The following FAM3C variants were observed in gnomAD, a reference collection of about 807,000 sequenced individuals.
FAM3C encodes protein FAM3C.
A neutral mutation model predicts 32.5 loss-of-function variants in FAM3C; 15 were observed. The observed-to-expected ratio is 0.46, with a 90% confidence interval of 0.31 to 0.71. The LOEUF is 0.71. Among genes scored for constraint, FAM3C ranks in the 30% least tolerant of loss-of-function variants. The pLI, the probability that FAM3C is intolerant of heterozygous loss-of-function variation, is 0.05. For missense variants in FAM3C, 175 were observed against 274.4 expected (o/e 0.64, Z 2.56); for synonymous variants, 75 against 86.1 (o/e 0.87, Z 0.72).
At position 121,378,742 on chromosome 7, in the gene FAM3C, T is replaced by C. The variant is rs552994541; in HGVS notation, c.118+168A>G. On this transcript the variant is annotated intron_variant, in intron 3 of 9. Coordinates refer to ENST00000359943, the MANE Select transcript of FAM3C (RefSeq NM_014888.3). ...AGATTCATGTTTTATACTAAATTAA[T>C]TCCAAAATATCTAATTATATACTGT... Among the ~76,000 whole-genome samples, 179 of 152,194 alleles carry C rather than the reference T, an allele frequency of 1.2e-3. 2 individuals carry two copies. The highest frequency in any genetic ancestry group is 1.9e-3 in the Non-Finnish European group (132 of 68,032).
chr7:121,368,127 A>G (rs1794060815), intron 5 of FAM3C, among the ~76,000 whole-genome samples: 1 of 152,180 alleles, frequency 6.6e-6, no homozygotes, highest in African/African-American at 2.4e-5. Context: ...ACTACTTATG[A>G]CCACCATCCT....
chr7:121,365,656 C>T (rs1209462689), intron 5 of FAM3C, among the ~76,000 whole-genome samples: 1 of 151,932 alleles, frequency 6.6e-6, no homozygotes, highest in Admixed American at 6.6e-5. Flanking sequence ...GACTTAAACC[C>T]TCATATATTA....
intron 8 of FAM3C, among the ~76,000 whole-genome samples, chr7:121,356,886 C>G (rs1034506027): frequency 6.6e-6 from 1 of 152,100 alleles, no homozygotes; most frequent in African/African-American, 2.4e-5. Context: ...ACTGTACTCC[C>G]TGAAGTGTTA....
chr7:121,384,143 T>G (rs1439270798), intron 1 of FAM3C, among the ~76,000 whole-genome samples: 1 of 152,160 alleles, frequency 6.6e-6, no homozygotes, highest in East Asian at 1.9e-4. Flanking sequence ...GCTCTTAGGC[T>G]AGCTCTCTTT....
chr7:121,351,022 C>A (rs1376591981), intron 9 of FAM3C, 121 bp downstream of exon 9: 19 of 918,454 alleles, frequency 2.1e-5, no homozygotes, highest in Non-Finnish European at 3.1e-5. Context: ...GAATTTATGA[C>A]AAATATATGA....
intron 8 of FAM3C, among the ~76,000 whole-genome samples, chr7:121,354,226 T>A (rs1428687581): frequency 6.6e-6 from 1 of 152,136 alleles, no homozygotes; most frequent in African/African-American, 2.4e-5. Flanking sequence ...AGCATAAAGG[T>A]TGGAGATACA....
At chr7:121,383,357 G>A (rs1794399462) in intron 1 of FAM3C, among the ~76,000 whole-genome samples, 1 of 152,110 alleles carries the variant, frequency 6.6e-6, no homozygotes, top group African/African-American at 2.4e-5. Context: ...TGCAGATGAT[G>A]TCCAAAGAGG....
intron 1 of FAM3C, among the ~76,000 whole-genome samples, chr7:121,386,238 A>C (rs1794462267): frequency 6.6e-6 from 1 of 152,178 alleles, no homozygotes; most frequent in African/African-American, 2.4e-5. Context: ...GCACTTAATT[A>C]AACCACAGGA....
At chr7:121,383,467 G>T (rs1273604036) in intron 1 of FAM3C, among the ~76,000 whole-genome samples, 1 of 152,098 alleles carries the variant, frequency 6.6e-6, no homozygotes, top group African/African-American at 2.4e-5. Context: ...CTTCATTTTT[G>T]ATATGACATA....
At chr7:121,377,069 T>C (rs1055635065) in intron 3 of FAM3C, among the ~76,000 whole-genome samples, 1 of 152,160 alleles carries the variant, frequency 6.6e-6, no homozygotes, top group Non-Finnish European at 1.5e-5. Context: ...AGGGACCTAG[T>C]GGGAAGTAAT....
Position 121,378,986 on chromosome 7 carries a change from T to C in FAM3C, c.42A>G (p.Ala14=). ...AGAAKLVVAV[A]VFLLTFYVIS... is the part of the protein sequence containing the mutation. ...TAACATAAAATGTCAGTAAAAACACTGCCACAGCTACCACCAACTTTGCAG... is the reference window on the plus strand; with the variant it reads ...TAACATAAAATGTCAGTAAAAACACCGCCACAGCTACCACCAACTTTGCAG... The change falls in exon 3 of 10, where the codon GCA becomes GCG. Residue 14 remains alanine, a synonymous_variant. Transcript: ENST00000359943. 6.3e-7 allele frequency: 1 copy of C among 1,576,060 alleles called. No individual in the cohort carries two copies. Among genetic ancestry groups the C allele is most frequent in the Non-Finnish European group, 8.6e-7 (1 of 1,164,534 alleles).
chr7:121,386,646 T>G (rs36113478), intron 1 of FAM3C, among the ~76,000 whole-genome samples: 1 of 151,212 alleles, frequency 6.6e-6, no homozygotes, highest in African/African-American at 2.4e-5. Flanking sequence ...GGAATATATG[T>G]CTATATATCT....
At chr7:121,384,762 C>A (rs1397828803) in intron 1 of FAM3C, among the ~76,000 whole-genome samples, 1 of 152,140 alleles carries the variant, frequency 6.6e-6, no homozygotes, top group Non-Finnish European at 1.5e-5. Flanking sequence ...AGTAAAATTT[C>A]TAAATTAAAA....
At chr7:121,361,099 C>G (rs566573957) in intron 7 of FAM3C, among the ~76,000 whole-genome samples, 1 of 152,174 alleles carries the variant, frequency 6.6e-6, no homozygotes, top group Non-Finnish European at 1.5e-5. Flanking sequence ...CTCATTTGAT[C>G]TACCAAATCA....
intron 1 of FAM3C, among the ~76,000 whole-genome samples, chr7:121,385,268 C>A (rs759403039): frequency 6.6e-5 from 10 of 152,150 alleles, no homozygotes; most frequent in East Asian, 1.9e-4. Context: ...GGAAAAAAAA[C>A]CCCAAAACTC....
Position 121,360,044 on chromosome 7 carries a change from T to C in FAM3C, c.466A>G (p.Lys156Glu), listed in dbSNP as rs764250805. The change falls in exon 8 of 10, where the codon AAA becomes GAA. Residue 156 changes from lysine (K) to glutamate (E), a missense_variant and splice_region_variant. By Grantham distance (56) the Lys-to-Glu change is moderately conservative. Coordinates refer to ENST00000359943, the MANE Select transcript of FAM3C (RefSeq NM_014888.3). Reference sequence around the variant, plus strand: ...AAAAGTTCTGTAAAGTTTACATACTTGGTTGCTCCATCATCGTATGTTCCC... The same window carrying C: ...AAAAGTTCTGTAAAGTTTACATACTCGGTTGCTCCATCATCGTATGTTCCC... ...LMGTYDDGAT[K>E]LNDEARRLIA... The C allele has an allele frequency of 1.3e-5, 18 of 1,424,208 alleles. No individual in the cohort carries two copies. The highest frequency in any genetic ancestry group is 8.9e-6 in the Non-Finnish European group (9 of 1,015,344). 88.2% of individuals were successfully genotyped at this position (1,424,208 alleles called of 1,614,324 possible).
chr7:121,354,032 A>T (rs1268836117), intron 8 of FAM3C, among the ~76,000 whole-genome samples: 1 of 152,298 alleles, frequency 6.6e-6, no homozygotes, highest in South Asian at 2.1e-4. Flanking sequence ...TGATCTGCCT[A>T]TGTAGAATTT....
At chr7:121,355,489 T>C (rs532411913) in intron 8 of FAM3C, among the ~76,000 whole-genome samples, 1 of 151,860 alleles carries the variant, frequency 6.6e-6, no homozygotes, top group South Asian at 2.1e-4. Flanking sequence ...TAAAAAGCAA[T>C]AAGGAAAGAA....
At chr7:121,370,005 C>T (rs993826814) in intron 5 of FAM3C, among the ~76,000 whole-genome samples, 1 of 152,122 alleles carries the variant, frequency 6.6e-6, no homozygotes, top group Non-Finnish European at 1.5e-5. Flanking sequence ...AATAGATGTC[C>T]AAAATCATCC....
Sources: gnomAD v4.1 joint callset for allele counts (sites outside exome capture counted in the v4.1 genomes callset) on GRCh38, gnomAD v4.1.1 for gene constraint, MANE v1.5 for transcripts, NCBI Gene and HGNC (gene_info 2026-07-23, HGNC 2026-07-21) for gene names.